Variants in SGSM1 observed in about 807,000 individuals in gnomAD.
SGSM1 encodes RUN and TBC1 domain containing 2.
SGSM1 carries 73 observed loss-of-function variants against 133.8 expected under a neutral mutation model. The observed-to-expected ratio is 0.55, with a 90% CI of 0.45 to 0.66. The LOEUF is 0.66. Ranked by LOEUF, SGSM1 falls within the 30% of genes least tolerant of loss-of-function variation. The pLI is 0.00. For missense variants in SGSM1, 1,213 were observed against 1,448.1 expected, an observed-to-expected ratio of 0.84 and a Z score of 2.64; for synonymous variants, 563 against 573.0, an observed-to-expected ratio of 0.98 and a Z score of 0.25.
chr22:24,855,516 C>T, intron 7 of SGSM1, 33 bp from the exon 8 acceptor site: 1 of 1,613,608 alleles, frequency 6.2e-7, no homozygotes, highest in Non-Finnish European at 8.5e-7. Flanking sequence ...CACCCCAGGC[C>T]TCATCCCTCT....
rs78215047 is a variant in SGSM1 at position 24,886,064 on chromosome 22, G to T, written c.1642-536G>T. On this transcript the variant is annotated intron_variant, in intron 15 of 24. Transcript: ENST00000400358. ...CTAGAAGGACAGGTGCACAGAAGTTGAGGAATATTGGTGAGAAGTTAGCTC... is the reference window on the plus strand; with the variant it reads ...CTAGAAGGACAGGTGCACAGAAGTTTAGGAATATTGGTGAGAAGTTAGCTC... Among the ~76,000 whole-genome samples the T allele has an allele frequency of 2.0e-3, 306 of 152,168 alleles. 6 individuals carry two copies. The East Asian group carries it at 0.052, about 26-fold the overall frequency.
At chr22:24,860,922 AATATATATAT>A (rs1555926665) in intron 9 of SGSM1, among the ~76,000 whole-genome samples, 10 of 37,608 alleles carry the variant, frequency 2.7e-4, no homozygotes, top group Admixed American at 1.4e-3. Context: ...AAAAAAAAAA[AATATATATAT>A]ATATATATAT....
intron 2 of SGSM1, among the ~76,000 whole-genome samples, chr22:24,825,388 T>C (rs757838137): frequency 2.5e-4 from 38 of 152,178 alleles, no homozygotes; most frequent in Non-Finnish European, 4.6e-4. Flanking sequence ...AGTCACCCCC[T>C]CTTCTCCCCG....
Position 24,860,925 on chromosome 22 carries a change from AT to A in SGSM1, c.926+1086del, listed in dbSNP as rs1184721709. Among the ~76,000 whole-genome samples, 502 of 90,158 alleles carry A rather than the reference AT, an allele frequency of 5.6e-3. 5 individuals are homozygous for A. The highest frequency in any genetic ancestry group is 9.1e-3 in the Non-Finnish European group (433 of 47,634). 59.1% of individuals were successfully genotyped at this position (90,158 alleles called of 152,430 possible). On this transcript the variant is annotated intron_variant, in intron 9 of 24. Transcript: ENST00000400358. ...AAAAAAAAAAAAAAAAAAAAAAAAT[AT>A]ATATATATATATATATATATATAAT...
At position 24,855,694 on chromosome 22, in the gene SGSM1, T is replaced by G. The variant is rs780082747; in HGVS notation, c.801+14T>G. The stretch of plus-strand genomic sequence containing the variant: ...CTTGTTCAGCCGGTGAGAGGTTATC[T>G]TGGGCCTAGATCTTGCACTGAGGGT... On this transcript the variant is annotated intron_variant, in intron 8 of 24. Coordinates refer to ENST00000400358, the MANE Select transcript of SGSM1 (RefSeq NM_001098497.3). The G allele has an allele frequency of 6.2e-7, 1 of 1,613,958 alleles. No homozygotes were observed. Among genetic ancestry groups the G allele is most frequent in the Non-Finnish European group, 8.5e-7 (1 of 1,179,868 alleles).
chr22:24,859,567 G>T, intron 8 of SGSM1, 149 bp from the exon 9 acceptor site: 3 of 1,090,298 alleles, frequency 2.8e-6, no homozygotes, highest in Non-Finnish European at 4.0e-6. Context: ...CTGGAAGGAG[G>T]CTTTAGAGTC....
At chr22:24,819,361 A>T (rs1928333038) in intron 2 of SGSM1, among the ~76,000 whole-genome samples, 1 of 152,208 alleles carries the variant, frequency 6.6e-6, no homozygotes. Context: ...CGTTTGGCTG[A>T]TGATAACGTG....
intron 12 of SGSM1, chr22:24,874,536 G>A: frequency 6.2e-7 from 1 of 1,611,656 alleles, no homozygotes; most frequent in Non-Finnish European, 8.5e-7. Context: ...CAGCCAGATG[G>A]GACACTACTC....
intron 8 of SGSM1, chr22:24,859,515 T>C (rs1450779407): frequency 3.0e-6 from 2 of 677,412 alleles, no homozygotes; most frequent in Non-Finnish European, 5.2e-6. Flanking sequence ...GTAGAACCCA[T>C]TTGGGAGGCT....
chr22:24,877,552 T>A (rs541417171), intron 13 of SGSM1, among the ~76,000 whole-genome samples: 1 of 152,168 alleles, frequency 6.6e-6, no homozygotes, highest in African/African-American at 2.4e-5. Flanking sequence ...CTTGCGGGGC[T>A]TCTGTCCTAG....
rs1031224552 is a variant in SGSM1 at position 24,926,872 on chromosome 22, T to A, written c.*2598T>A. The A allele has an allele frequency of 2.6e-5, 4 of 152,036 alleles. No homozygotes were observed. Among genetic ancestry groups the A allele is most frequent in the Non-Finnish European group, 4.4e-5 (3 of 68,018 alleles). The allele number at this position is 152,036 out of a possible 1,614,324, so 9.4% of individuals were successfully genotyped here. A position where few individuals can be genotyped will look rare whatever the true frequency, so the allele number is the denominator to read the frequency against. On this transcript the variant is annotated 3_prime_UTR_variant, in exon 25 of 25. Transcript: ENST00000400358. The stretch of plus-strand genomic sequence containing the variant: ...TCTGTTTTTTTTTGTCTTTTTTTTT[T>A]TAATTTGAAAGAAAAAAATGCTTGC...
rs1244557231 is a variant in SGSM1 at position 24,881,382 on chromosome 22, T to C, written c.1495+1856T>C. On this transcript the variant is annotated intron_variant, in intron 14 of 24. Coordinates refer to ENST00000400358, the MANE Select transcript of SGSM1 (RefSeq NM_001098497.3). ...GAGATTGAAACCATCCTGGCTAACA[T>C]GGTGAAACCCCGTCTCTACTAAAAA... Among the ~76,000 whole-genome samples, 25 of 145,216 alleles carry C rather than the reference T, an allele frequency of 1.7e-4. 3 individuals are homozygous for C. Among genetic ancestry groups the C allele is most frequent in the Non-Finnish European group, 4.5e-5 (3 of 66,848 alleles).
intron 9 of SGSM1, among the ~76,000 whole-genome samples, chr22:24,864,617 A>G (rs1029559476): frequency 3.3e-5 from 5 of 152,234 alleles, no homozygotes; most frequent in African/African-American, 1.2e-4. Context: ...AAATGTCCAG[A>G]AAAAGGCACA....
chr22:24,820,716 G>A (rs1456288782), intron 2 of SGSM1, among the ~76,000 whole-genome samples: 2 of 152,152 alleles, frequency 1.3e-5, no homozygotes, highest in African/African-American at 4.8e-5. Flanking sequence ...AGGAAGTCCA[G>A]GACAGGAAAC....
At chr22:24,849,080 G>A (rs1320384129) in intron 4 of SGSM1, among the ~76,000 whole-genome samples, 1 of 152,184 alleles carries the variant, frequency 6.6e-6, no homozygotes, top group African/African-American at 2.4e-5. Context: ...AGTTAGAGAT[G>A]CCTGTGCAAG....
chr22:24,847,627 C>T lies in SGSM1; in HGVS notation c.140-7C>T. 1.9e-6 allele frequency: 3 copies of T among 1,612,628 alleles called. No homozygotes were observed. The highest frequency in any genetic ancestry group is 2.5e-6 in the Non-Finnish European group (3 of 1,179,328). ...GGCAGGGTCTGCTGACTGCCATGTCCCTGCAGCGGCTGTGGAGGCCTGCGT... is the reference window on the plus strand; with the variant it reads ...GGCAGGGTCTGCTGACTGCCATGTCTCTGCAGCGGCTGTGGAGGCCTGCGT... On this transcript the variant is annotated splice_region_variant and splice_polypyrimidine_tract_variant and intron_variant, in intron 3 of 24. Coordinates refer to ENST00000400358, the MANE Select transcript of SGSM1 (RefSeq NM_001098497.3).
chr22:24,907,190 G>T (rs1933416022), intron 21 of SGSM1, among the ~76,000 whole-genome samples: 2 of 151,682 alleles, frequency 1.3e-5, no homozygotes, highest in South Asian at 4.2e-4. Flanking sequence ...AACCTGGGAG[G>T]TGGAGGTTGC....
intron 2 of SGSM1, among the ~76,000 whole-genome samples, chr22:24,835,399 A>G (rs957847138): frequency 1.3e-5 from 2 of 152,132 alleles, no homozygotes; most frequent in African/African-American, 4.8e-5. Context: ...TTGGGAGTAG[A>G]GCACCACCAG....
chr22:24,924,385 A>G lies in SGSM1; in HGVS notation c.*111A>G. The G allele has an allele frequency of 1.1e-6, 1 of 886,134 alleles. No individual in the cohort carries two copies. Among genetic ancestry groups the G allele is most frequent in the South Asian group, 1.4e-5 (1 of 70,620 alleles). 54.9% of individuals were successfully genotyped at this position (886,134 alleles called of 1,614,324 possible). ...GGGAGCGGGGTCCTGGTGTCTGTTC[A>G]CAAGCGTGGAGTTCAGTGCGCAAAG... On this transcript the variant is annotated 3_prime_UTR_variant, in exon 25 of 25. Transcript: ENST00000400358.
Sources: allele counts gnomAD v4.1 joint callset (sites outside exome capture counted in the v4.1 genomes callset), GRCh38; gene constraint gnomAD v4.1.1; transcripts MANE v1.5; gene names NCBI Gene and HGNC (gene_info 2026-07-23, HGNC 2026-07-21).